The following CYP4Z1 variants were observed in gnomAD, a reference collection of about 807,000 sequenced individuals.
CYP4Z1 encodes the protein cytochrome P450 4Z1.
Under a neutral mutation model 54.2 loss-of-function variants are expected in CYP4Z1, and 41 were observed. The ratio of observed to expected loss-of-function variants is 0.76; its 90% confidence interval spans 0.59 to 0.98. The LOEUF is 0.98. CYP4Z1 is among the 50% of genes least tolerant of loss of function. CYP4Z1 has a pLI of 0.00. For missense variants in CYP4Z1, 513 were observed against 599.0 expected (o/e 0.86, Z 1.50); for synonymous variants, 163 against 206.2 (o/e 0.79, Z 1.79).
chr1:47,089,127 T>C (rs1164629337), intron 6 of CYP4Z1, among the ~76,000 whole-genome samples: 2 of 149,962 alleles, frequency 1.3e-5, no homozygotes, highest in Admixed American at 1.3e-4. Context: ...TTTATATTAT[T>C]ATTTTTTCTG....
At chr1:47,064,303 C>T (rs1406097027), upstream of CYP4Z1, among the ~76,000 whole-genome samples, 4 of 151,864 alleles carry the variant, frequency 2.6e-5, no homozygotes, top group South Asian at 2.1e-4. Flanking sequence ...AGGATGGTCT[C>T]GATCTCCTGA....
intron 9 of CYP4Z1, among the ~76,000 whole-genome samples, chr1:47,111,209 A>T (rs1644789908): frequency 6.6e-6 from 1 of 150,770 alleles, no homozygotes; most frequent in South Asian, 2.1e-4. Flanking sequence ...TTTTTGATGG[A>T]GTCTTGCTCT....
intron 2 of CYP4Z1, among the ~76,000 whole-genome samples, chr1:47,079,775 G>A (rs1644550337): frequency 6.6e-6 from 1 of 151,758 alleles, no homozygotes; most frequent in African/African-American, 2.4e-5. Context: ...GATAGATCAG[G>A]TTTGGATTTG....
chr1:47,091,329 C>T (rs2148533346), intron 6 of CYP4Z1, among the ~76,000 whole-genome samples: 1 of 143,274 alleles, frequency 7.0e-6, no homozygotes, highest in East Asian at 2.2e-4. Context: ...CTATTTTCTT[C>T]GGCTATCTTA....
At chr1:47,069,679 C>T (rs867225848) in intron 2 of CYP4Z1, among the ~76,000 whole-genome samples, 13 of 152,036 alleles carry the variant, frequency 8.6e-5, no homozygotes, top group African/African-American at 3.1e-4. Flanking sequence ...TGTGTTCACT[C>T]CCTTGAGAAG....
At chr1:47,068,472 TG>T in intron 1 of CYP4Z1, 149 bp from the exon 2 acceptor site, 1 of 948,416 alleles carries the variant, frequency 1.1e-6, no homozygotes, top group Non-Finnish European at 1.6e-6. Flanking sequence ...TGGAGACACA[TG>T]GAGAAGAAAA....
chr1:47,084,248 C>G (rs1644575834), intron 4 of CYP4Z1, among the ~76,000 whole-genome samples: 2 of 151,968 alleles, frequency 1.3e-5, no homozygotes. Context: ...GGGATCTTTT[C>G]CTAGAATCAA....
intron 8 of CYP4Z1, among the ~76,000 whole-genome samples, chr1:47,102,443 C>T (rs1190369219): frequency 6.6e-6 from 1 of 152,090 alleles, no homozygotes; most frequent in Non-Finnish European, 1.5e-5. Context: ...TTTATATCTT[C>T]AAGTATTTTC....
At chr1:47,104,097 T>G (rs2148538826) in intron 8 of CYP4Z1, among the ~76,000 whole-genome samples, 1 of 152,332 alleles carries the variant, frequency 6.6e-6, no homozygotes. Context: ...TTTTTTGAAT[T>G]TGCTTTCATA....
intron 8 of CYP4Z1, among the ~76,000 whole-genome samples, chr1:47,100,413 A>G (rs573622001): frequency 4.9e-4 from 74 of 152,342 alleles, no homozygotes; most frequent in Non-Finnish European, 9.8e-4. Context: ...AACAATTTAT[A>G]AGTTTTAAAT....
chr1:47,069,185 G>T (rs934343461), intron 2 of CYP4Z1, among the ~76,000 whole-genome samples: 2 of 152,250 alleles, frequency 1.3e-5, no homozygotes, highest in Non-Finnish European at 2.9e-5. Flanking sequence ...CTCTGGGAAT[G>T]GCCAGTGCCA....
At chr1:47,101,878 A>G (rs970190516) in intron 8 of CYP4Z1, among the ~76,000 whole-genome samples, 59 of 152,200 alleles carry the variant, frequency 3.9e-4, no homozygotes, top group African/African-American at 1.4e-3. Flanking sequence ...GTCTCCAACG[A>G]TTATGGTATG....
At chr1:47,072,941 T>C (rs1644493046) in intron 2 of CYP4Z1, among the ~76,000 whole-genome samples, 1 of 152,088 alleles carries the variant, frequency 6.6e-6, no homozygotes. Context: ...TGTGGCAAAA[T>C]ACACATAAGG....
chr1:47,082,796 G>T (rs1303136424), intron 4 of CYP4Z1, among the ~76,000 whole-genome samples: 2 of 150,510 alleles, frequency 1.3e-5, no homozygotes, highest in Non-Finnish European at 3.0e-5. Context: ...AATGTATCAT[G>T]TTCAGGAGGT....
chr1:47,056,529 C>A, the CYP4Z1 span, among the ~76,000 whole-genome samples: 1 of 152,182 alleles, frequency 6.6e-6, no homozygotes, highest in Non-Finnish European at 1.5e-5. Context: ...GTGTTAAATT[C>A]TCCCATTATT....
chr1:47,068,405 C>A (rs1008231054), intron 1 of CYP4Z1, among the ~76,000 whole-genome samples: 1 of 152,146 alleles, frequency 6.6e-6, no homozygotes, highest in Non-Finnish European at 1.5e-5. Context: ...GAAGACCAAT[C>A]GCTCAGCAAC....
At chr1:47,056,342 A>G in the CYP4Z1 span, among the ~76,000 whole-genome samples, 2 of 152,116 alleles carry the variant, frequency 1.3e-5, no homozygotes, top group East Asian at 1.9e-4. Context: ...ACTTCCAACT[A>G]TGTGGTCAAT....
intron 6 of CYP4Z1, among the ~76,000 whole-genome samples, chr1:47,087,802 GC>G (rs1387527564): frequency 1.3e-5 from 2 of 152,252 alleles, no homozygotes; most frequent in African/African-American, 4.8e-5. Context: ...TCCAGGTTTT[GC>G]CCATTCAGTA....
At chr1:47,086,005 C>A (rs937966226) in intron 6 of CYP4Z1, among the ~76,000 whole-genome samples, 4 of 151,874 alleles carry the variant, frequency 2.6e-5, no homozygotes, top group South Asian at 2.1e-4. Flanking sequence ...CATCCATGTC[C>A]CTACAAAGGA....
Sources: allele counts gnomAD v4.1 joint callset (sites outside exome capture counted in the v4.1 genomes callset), GRCh38; gene constraint gnomAD v4.1.1; transcripts MANE v1.5; gene names NCBI Gene and HGNC (gene_info 2026-07-23, HGNC 2026-07-21).